ELF2: variants seen among roughly 807,000 people sequenced by gnomAD.
ELF2 encodes E74 like ETS transcription factor 2.
In ELF2, 11 loss-of-function variants were observed where a neutral mutation model predicts 54.8. The ratio of observed to expected loss-of-function variants is 0.20; its 90% CI spans 0.13 to 0.33. The LOEUF (loss-of-function observed/expected upper bound fraction) is 0.33. Ranked by LOEUF, ELF2 falls within the 10% of genes least tolerant of loss-of-function variation. The pLI is 1.00. For missense variants in ELF2, 513 were observed against 703.0 expected, an observed-to-expected ratio of 0.73 and a Z score of 3.06; for synonymous variants, 203 against 245.1, an observed-to-expected ratio of 0.83 and a Z score of 1.61.
At chr4:139,079,353 TA>T (rs1315121057) in intron 4 of ELF2, among the ~76,000 whole-genome samples, 2 of 152,226 alleles carry the variant, frequency 1.3e-5, no homozygotes, top group Non-Finnish European at 2.9e-5. Context: ...TCTATTGGAA[TA>T]ACCCATCTAT....
At chr4:139,120,070 G>C (rs1369439838) in intron 4 of ELF2, among the ~76,000 whole-genome samples, 1 of 151,998 alleles carries the variant, frequency 6.6e-6, no homozygotes, top group South Asian at 2.1e-4. Context: ...CACTGCACTC[G>C]GCCACATTTG....
intron 4 of ELF2, among the ~76,000 whole-genome samples, chr4:139,122,068 T>C (rs529828641): frequency 5.7e-4 from 87 of 152,306 alleles, no homozygotes; most frequent in African/African-American, 1.9e-3. Flanking sequence ...CATATGGGTA[T>C]TTAGGAATAA....
chr4:139,161,652 TAAAAAAAAA>T (rs57452146), intron 1 of ELF2, among the ~76,000 whole-genome samples: 10 of 70,028 alleles, frequency 1.4e-4, no homozygotes, highest in East Asian at 9.0e-4. Context: ...TAAAACTGTT[TAAAAAAAAA>T]AAAAAAAAAA....
Position 139,151,032 on chromosome 4 carries a change from A to AAAAAGAAAGAAAG in ELF2, c.-251-11536_-251-11535insCTTTCTTTCTTTT, listed in dbSNP as rs1301387000. On this transcript the variant is annotated intron_variant, in intron 1 of 9. Coordinates refer to ENST00000686138, the MANE Select transcript of ELF2 (RefSeq NM_001331036.3). ...GAACGAGGCTCCATCTCAAAAAAAA[A>AAAAAGAAAGAAAG]AAAGAAAGAAAGAAAGAAAGAAAGA... Among the ~76,000 whole-genome samples, 290 of 102,490 alleles carry AAAAAGAAAGAAAG rather than the reference A, an allele frequency of 2.8e-3. 1 individual carries two copies. The highest frequency in any genetic ancestry group is 9.8e-3 in the Middle Eastern group (2 of 204). 67.2% of individuals were successfully genotyped at this position (102,490 alleles called of 152,430 possible). A position where few individuals can be genotyped will look rare whatever the true frequency, so the allele number is the denominator to read the frequency against.
intron 4 of ELF2, among the ~76,000 whole-genome samples, chr4:139,079,547 C>T (rs953836540): frequency 1.2e-4 from 19 of 152,208 alleles, no homozygotes; most frequent in African/African-American, 4.3e-4. Context: ...TAATTAATAA[C>T]AACCAAATTC....
chr4:139,148,607 T>C (rs772333378), intron 1 of ELF2, among the ~76,000 whole-genome samples: 4 of 152,120 alleles, frequency 2.6e-5, no homozygotes, highest in Non-Finnish European at 5.9e-5. Flanking sequence ...TGTATAGACA[T>C]ATCACATTTC....
At chr4:139,109,074 G>C (rs1734705364) in intron 4 of ELF2, among the ~76,000 whole-genome samples, 1 of 152,048 alleles carries the variant, frequency 6.6e-6, no homozygotes, top group Non-Finnish European at 1.5e-5. Context: ...CTTAAGGAGA[G>C]CATAGTAAAC....
chr4:139,132,467 G>T (rs1399719987), intron 3 of ELF2, among the ~76,000 whole-genome samples: 1 of 151,738 alleles, frequency 6.6e-6, no homozygotes, highest in African/African-American at 2.4e-5. Context: ...ACACATACAC[G>T]CAGACCTAGG....
At chr4:139,078,430 TAAATGAAGAATAC>T (rs1730620776) in intron 4 of ELF2, among the ~76,000 whole-genome samples, 1 of 152,030 alleles carries the variant, frequency 6.6e-6, no homozygotes, top group Admixed American at 6.6e-5. Flanking sequence ...CAGTAATAGG[TAAATGAAGAATAC>T]AAATGAAGGC....
chr4:139,087,121 T>C (rs182419719), intron 4 of ELF2, among the ~76,000 whole-genome samples: 38 of 152,376 alleles, frequency 2.5e-4, no homozygotes, highest in Admixed American at 1.2e-3. Context: ...CTTAGGTTCA[T>C]GTTTTTTGCA....
chr4:139,096,331 CT>C (rs536133091), intron 4 of ELF2, among the ~76,000 whole-genome samples: 6 of 150,800 alleles, frequency 4.0e-5, no homozygotes, highest in Admixed American at 1.3e-4. Context: ...GTCTGATGGA[CT>C]TTTTTTTTAA....
intron 3 of ELF2, among the ~76,000 whole-genome samples, chr4:139,125,707 T>C (rs2148836777): frequency 6.8e-6 from 1 of 147,992 alleles, no homozygotes; most frequent in Non-Finnish European, 1.5e-5. Context: ...AACAAAATCC[T>C]GGAAGACTGA....
rs1740968086 is a variant in ELF2, at chr4:139,160,057, G to GC, written c.-252+16909dup. On this transcript the variant is annotated intron_variant, in intron 1 of 9. Transcript: ENST00000686138. ...GAAGATACTATAGCATAGCCTGCAG[G>GC]CCAGGCGCAGTGGCTCACGCCTGTA... is the stretch of plus-strand genomic sequence containing the variant. Among the ~76,000 whole-genome samples the GC allele has an allele frequency of 6.6e-5, 10 of 152,350 alleles. No individual in the cohort carries two copies. In the South Asian group the frequency reaches 2.1e-3, roughly 32 times the overall value.
chr4:139,091,901 T>C (rs564009496), intron 4 of ELF2, among the ~76,000 whole-genome samples: 5 of 150,364 alleles, frequency 3.3e-5, no homozygotes, highest in African/African-American at 1.2e-4. Flanking sequence ...ACATATTATT[T>C]ATATATAGAG....
chr4:139,146,457 A>C (rs950633047), intron 1 of ELF2, among the ~76,000 whole-genome samples: 1 of 152,230 alleles, frequency 6.6e-6, no homozygotes, highest in Non-Finnish European at 1.5e-5. Flanking sequence ...CATCTAAAGC[A>C]ATCTACAGAT....
chr4:139,062,199 C>G (rs1727968821), intron 7 of ELF2, 142 bp from the exon 8 acceptor site: 1 of 818,892 alleles, frequency 1.2e-6, no homozygotes, highest in African/African-American at 1.8e-5. Flanking sequence ...GAGACGGAGT[C>G]TTGCTCTGTC....
chr4:139,136,144 CTAA>C (rs1738130088), intron 3 of ELF2, among the ~76,000 whole-genome samples: 1 of 152,090 alleles, frequency 6.6e-6, no homozygotes, highest in Non-Finnish European at 1.5e-5. Context: ...TCCCCAATCC[CTAA>C]TGTCTTCGGT....
intron 6 of ELF2, among the ~76,000 whole-genome samples, chr4:139,069,258 TTAGATTA>T (rs1259388449): frequency 1.3e-5 from 2 of 152,218 alleles, no homozygotes; most frequent in Non-Finnish European, 2.9e-5. Flanking sequence ...TTAGGAAGCA[TTAGATTA>T]ATTATATAAA....
chr4:139,135,454 C>T (rs1738056247), intron 3 of ELF2, among the ~76,000 whole-genome samples: 1 of 151,996 alleles, frequency 6.6e-6, no homozygotes, highest in Non-Finnish European at 1.5e-5. Context: ...CACCCCTCAC[C>T]TCATTTAGCT....
Sources: gnomAD v4.1 joint callset for allele counts (sites outside exome capture counted in the v4.1 genomes callset) on GRCh38, gnomAD v4.1.1 for gene constraint, MANE v1.5 for transcripts, NCBI Gene and HGNC (gene_info 2026-07-23, HGNC 2026-07-21) for gene names.